The following LHFPL3 variants were observed in gnomAD, a reference collection of about 807,000 sequenced individuals.
The protein encoded by LHFPL3 is LHFPL tetraspan subfamily member 3, also known as LHFPL tetraspan subfamily member 3 protein.
In LHFPL3, 5 loss-of-function variants were observed where a neutral mutation model predicts 19.3. The ratio of observed to expected loss-of-function variants is 0.26; its 90% confidence interval spans 0.14 to 0.54. The LOEUF is 0.54. LHFPL3 is among the 20% of genes least tolerant of loss of function. The probability of loss-of-function intolerance (pLI) is 0.94; values close to 1 mark genes in which losing one functional copy is unlikely to be tolerated. For missense variants in LHFPL3, 249 were observed against 307.4 expected, an observed-to-expected ratio of 0.81 and a Z score of 1.42; for synonymous variants, 133 against 126.2, an observed-to-expected ratio of 1.05 and a Z score of -0.36.
At chr7:104,806,118 A>G (rs932766450) in intron 2 of LHFPL3, among the ~76,000 whole-genome samples, 7 of 152,212 alleles carry the variant, frequency 4.6e-5, no homozygotes, top group Non-Finnish European at 1.5e-5. Context: ...TGTCTGTCAC[A>G]TGGCTGTGGC....
chr7:104,672,030 T>C (rs1352212201), intron 1 of LHFPL3, among the ~76,000 whole-genome samples: 4 of 151,488 alleles, frequency 2.6e-5, no homozygotes, highest in African/African-American at 9.7e-5. Context: ...ACCTTTTCTT[T>C]TTTCCTTCTT....
At chr7:104,714,067 C>G (rs1793342729) in intron 1 of LHFPL3, among the ~76,000 whole-genome samples, 1 of 152,294 alleles carries the variant, frequency 6.6e-6, no homozygotes, top group Middle Eastern at 3.4e-3. Flanking sequence ...CTTTAGATGT[C>G]TTACTGCTCA....
chr7:104,530,076 T>C (rs956382325), intron 1 of LHFPL3, among the ~76,000 whole-genome samples: 3 of 152,150 alleles, frequency 2.0e-5, no homozygotes, highest in Non-Finnish European at 2.9e-5. Context: ...ACAACTTCTG[T>C]TGGAATGTTA....
At chr7:104,824,011 T>C (rs2116531587) in intron 2 of LHFPL3, among the ~76,000 whole-genome samples, 1 of 146,870 alleles carries the variant, frequency 6.8e-6, no homozygotes, top group East Asian at 2.0e-4. Flanking sequence ...CCGGGCATGG[T>C]GGTGCATGCC....
chr7:104,701,460 T>G (rs1303631875), intron 1 of LHFPL3, among the ~76,000 whole-genome samples: 2 of 152,164 alleles, frequency 1.3e-5, no homozygotes, highest in Non-Finnish European at 2.9e-5. Context: ...TAAAGTAAAC[T>G]AGAGAAAGAA....
At chr7:104,881,950 T>G (rs199937316) in intron 2 of LHFPL3, among the ~76,000 whole-genome samples, 1 of 152,222 alleles carries the variant, frequency 6.6e-6, no homozygotes, top group East Asian at 1.9e-4. Context: ...TAAGTATGTA[T>G]ATTTTTTAGA....
At chr7:104,558,323 C>T (rs1178863993) in intron 1 of LHFPL3, among the ~76,000 whole-genome samples, 2 of 146,738 alleles carry the variant, frequency 1.4e-5, no homozygotes, top group East Asian at 2.0e-4. Context: ...TATTTCTCCA[C>T]ATCCTCTCCA....
At chr7:104,627,888 A>G (rs1791575826) in intron 1 of LHFPL3, among the ~76,000 whole-genome samples, 1 of 152,232 alleles carries the variant, frequency 6.6e-6, no homozygotes, top group African/African-American at 2.4e-5. Context: ...ATTATGTGGT[A>G]TTGTAGGTAG....
Position 104,669,613 on chromosome 7 carries a change from C to T in LHFPL3, c.446-67062C>T, listed in dbSNP as rs992872477. The T allele has an allele frequency of 5.7e-5, 90 of 1,577,028 alleles. No individual in the cohort carries two copies. The Middle Eastern group carries it at 6.9e-4, about 12-fold the overall frequency. ...CTGTGCTTTTCTCCTAGTTTCTCTC[C>T]ACCCTGGAACATTCGAGAGCAAATC... On this transcript the variant is annotated intron_variant, in intron 1 of 2. Coordinates refer to ENST00000424859, the MANE Select transcript of LHFPL3 (RefSeq NM_199000.3).
intron 2 of LHFPL3, among the ~76,000 whole-genome samples, chr7:104,785,522 A>T (rs2116433263): frequency 6.6e-6 from 1 of 152,286 alleles, no homozygotes; most frequent in Admixed American, 6.5e-5. Context: ...CTCAAATTCA[A>T]CATGTCCAAA....
At chr7:104,489,917 G>GT (rs1321957346) in intron 1 of LHFPL3, among the ~76,000 whole-genome samples, 1 of 152,104 alleles carries the variant, frequency 6.6e-6, no homozygotes, top group African/African-American at 2.4e-5. Context: ...TGCTGACACC[G>GT]TAAGTCTTTA....
intron 1 of LHFPL3, among the ~76,000 whole-genome samples, chr7:104,582,948 A>T (rs1332034673): frequency 1.3e-5 from 2 of 152,126 alleles, no homozygotes; most frequent in East Asian, 3.9e-4. Flanking sequence ...AAAGTATCTG[A>T]ATAGATGAGG....
At chr7:104,839,491 AC>A (rs1194990529) in intron 2 of LHFPL3, among the ~76,000 whole-genome samples, 1 of 151,848 alleles carries the variant, frequency 6.6e-6, no homozygotes, top group African/African-American at 2.4e-5. Flanking sequence ...ATATGGCAAA[AC>A]CCCCCTCTCT....
At chr7:104,774,854 T>C (rs1794614764) in intron 2 of LHFPL3, among the ~76,000 whole-genome samples, 1 of 152,166 alleles carries the variant, frequency 6.6e-6, no homozygotes. Context: ...AGGCAAAACA[T>C]ATGAGTTTTA....
intron 1 of LHFPL3, among the ~76,000 whole-genome samples, chr7:104,457,323 T>G (rs1034429990): frequency 6.9e-6 from 1 of 144,696 alleles, no homozygotes; most frequent in Admixed American, 7.0e-5. Context: ...CCTGTGTCCA[T>G]GTGTTCTCGT....
intron 1 of LHFPL3, among the ~76,000 whole-genome samples, chr7:104,638,073 C>T (rs1283232323): frequency 2.0e-5 from 3 of 151,886 alleles, no homozygotes; most frequent in South Asian, 4.1e-4. Context: ...CTTTGAGTAG[C>T]GTTTTGTAAT....
chr7:104,519,979 G>A (rs976202544), intron 1 of LHFPL3, among the ~76,000 whole-genome samples: 3 of 152,020 alleles, frequency 2.0e-5, no homozygotes, highest in African/African-American at 4.8e-5. Context: ...TCAACACACC[G>A]AGAAAAGAAA....
intron 1 of LHFPL3, among the ~76,000 whole-genome samples, chr7:104,735,396 C>T (rs942911120): frequency 6.6e-6 from 1 of 152,256 alleles, no homozygotes; most frequent in African/African-American, 2.4e-5. Flanking sequence ...CTTTGTTTAC[C>T]TACTCAAGCC....
chr7:104,574,277 A>G (rs1458339259), intron 1 of LHFPL3, among the ~76,000 whole-genome samples: 2 of 152,252 alleles, frequency 1.3e-5, no homozygotes, highest in African/African-American at 4.8e-5. Flanking sequence ...ATGTCACATC[A>G]GTCCACCAGC....
Sources: gnomAD v4.1 joint callset for allele counts (sites outside exome capture counted in the v4.1 genomes callset) on GRCh38, gnomAD v4.1.1 for gene constraint, MANE v1.5 for transcripts, NCBI Gene and HGNC (gene_info 2026-07-23, HGNC 2026-07-21) for gene names.